PIEZO2: variants seen among roughly 807,000 people sequenced by gnomAD.
PIEZO2 encodes piezo-type mechanosensitive ion channel component 2.
A neutral mutation model predicts 337.3 loss-of-function variants in PIEZO2; 172 were observed. That is an observed-to-expected ratio of 0.51 (90% CI 0.45 to 0.58). PIEZO2 has a LOEUF of 0.58. PIEZO2 is among the 20% of genes least tolerant of loss of function. The pLI, the probability that PIEZO2 is intolerant of heterozygous loss-of-function variation, is 0.00. For synonymous variants in PIEZO2, 1,251 were observed against 1,228.5 expected (o/e 1.02, Z -0.38); for missense variants, 3,028 against 3,391.3 (o/e 0.89, Z 2.66).
In PIEZO2 at chr18:10,828,888, T is replaced by C. The variant is rs2040758491; in HGVS notation, c.918-21614A>G. ...ATGCTGAGATTAACAACAGAGACAG[T>C]TGAGCTTTGCTGCTGGTTCATGCTG... On this transcript the variant is annotated intron_variant, in intron 7 of 55. Coordinates refer to ENST00000674853, the MANE Select transcript of PIEZO2 (RefSeq NM_001378183.1). The surrounding 1 kb of genome is among the most constrained non-coding windows in gnomAD (Gnocchi z 4.1). Among the ~76,000 whole-genome samples, 1 of 152,174 alleles carries C rather than the reference T, an allele frequency of 6.6e-6. No homozygotes were observed. The highest frequency in any genetic ancestry group is 2.4e-5 in the African/African-American group (1 of 41,444).
At position 10,878,780 on chromosome 18, in the gene PIEZO2, T is replaced by A. The variant is rs777599216; in HGVS notation, c.330-7365A>T. 1.4e-5 allele frequency among the ~76,000 whole-genome samples: 2 copies of A among 142,314 alleles called. No homozygotes were observed. The highest frequency in any genetic ancestry group is 3.0e-5 in the Non-Finnish European group (2 of 67,668). The allele number at this position is 142,314 out of a possible 152,430, so 93.4% of individuals were successfully genotyped here. A position where few individuals can be genotyped will look rare whatever the true frequency, so the allele number is the denominator to read the frequency against. On this transcript the variant is annotated intron_variant, in intron 4 of 55. Coordinates refer to ENST00000674853, the MANE Select transcript of PIEZO2 (RefSeq NM_001378183.1). This position sits in a 1 kb window ranked among gnomAD's most constrained non-coding sequence, Gnocchi z 4.3. ...TCAGACCATACAAAGCTTGGATGTTTTGAAAAAAAAAAAAAATCACATAAC... is the reference window on the plus strand; with the variant it reads ...TCAGACCATACAAAGCTTGGATGTTATGAAAAAAAAAAAAAATCACATAAC...
In PIEZO2 at chr18:11,077,854, A is replaced by C. The variant is rs78239310; in HGVS notation, c.65-11632T>G. ...ACTAGACTGTGTTACAAAGTAGAGC[A>C]TAAGTGTCATTTTTCATTTTCACAA... On this transcript the variant is annotated intron_variant, in intron 1 of 55. Coordinates refer to ENST00000674853, the MANE Select transcript of PIEZO2 (RefSeq NM_001378183.1). The surrounding 1 kb of genome is among the most constrained non-coding windows in gnomAD (Gnocchi z 4.8). 6.6e-6 allele frequency among the ~76,000 whole-genome samples: 1 copy of C among 152,264 alleles called. No homozygotes were observed. The highest frequency in any genetic ancestry group is 2.1e-4 in the South Asian group (1 of 4,830).
rs1307159963 is a variant in PIEZO2, at chr18:11,078,617, C to A, written c.65-12395G>T. Among the ~76,000 whole-genome samples, 1 of 152,200 alleles carries A rather than the reference C, an allele frequency of 6.6e-6. No homozygotes were observed. The highest frequency in any genetic ancestry group is 1.5e-5 in the Non-Finnish European group (1 of 68,038). Reference sequence around the variant, plus strand: ...TTCTGTTGCTAGAGAAGTAGACACACCTTTTATGGCATGAATTCAGCCTTG... The same window carrying A: ...TTCTGTTGCTAGAGAAGTAGACACAACTTTTATGGCATGAATTCAGCCTTG... On this transcript the variant is annotated intron_variant, in intron 1 of 55. Transcript: ENST00000674853. This position sits in a 1 kb window ranked among gnomAD's most constrained non-coding sequence, Gnocchi z 5.3.
At chr18:10,756,761 CATT>C (rs1568022396) in intron 27 of PIEZO2, among the ~76,000 whole-genome samples, 1 of 119,200 alleles carries the variant, frequency 8.4e-6, no homozygotes, top group Non-Finnish European at 1.7e-5. Flanking sequence ...AAGGATGAAA[CATT>C]AGGAGGAGAG....
At chr18:10,831,723 T>C (rs1303576288) in intron 7 of PIEZO2, among the ~76,000 whole-genome samples, 2 of 152,230 alleles carry the variant, frequency 1.3e-5, no homozygotes, top group Non-Finnish European at 2.9e-5. Flanking sequence ...GTGATTATTA[T>C]GCATTGCACT....
chr18:10,695,675 A>G (rs1236227196), intron 47 of PIEZO2, among the ~76,000 whole-genome samples: 2 of 151,824 alleles, frequency 1.3e-5, no homozygotes, highest in Non-Finnish European at 2.9e-5. Context: ...TTGTTCATCT[A>G]TTTCTCTCAT....
At chr18:10,883,987 A>G (rs1309178767) in intron 4 of PIEZO2, among the ~76,000 whole-genome samples, 1 of 151,498 alleles carries the variant, frequency 6.6e-6, no homozygotes, top group Non-Finnish European at 1.5e-5. Context: ...ATTTTTTTGT[A>G]TTTTTAGTAG....
At chr18:10,934,789 C>A (rs2032292088) in intron 3 of PIEZO2, among the ~76,000 whole-genome samples, 1 of 152,066 alleles carries the variant, frequency 6.6e-6, no homozygotes, top group Admixed American at 6.5e-5. Flanking sequence ...CCTGACCCAG[C>A]AGGATAATTT....
intron 1 of PIEZO2, among the ~76,000 whole-genome samples, chr18:11,123,535 A>G (rs2040089514): frequency 6.6e-6 from 1 of 152,112 alleles, no homozygotes; most frequent in Admixed American, 6.6e-5. Context: ...TGGGACGGGC[A>G]CGGTGGCTCA....
At chr18:10,752,569 A>G (rs1339526894) in intron 28 of PIEZO2, 67 bp downstream of exon 28, 5 of 1,478,002 alleles carry the variant, frequency 3.4e-6, no homozygotes, top group Non-Finnish European at 4.5e-6. Context: ...GCTTTTAATA[A>G]CCACTGAGTG....
intron 7 of PIEZO2, among the ~76,000 whole-genome samples, chr18:10,814,932 G>A (rs993041167): frequency 3.3e-5 from 5 of 152,060 alleles, no homozygotes; most frequent in Non-Finnish European, 5.9e-5. Context: ...TCAACCTTAC[G>A]GATTAATTAT....
At chr18:11,137,043 A>G (rs1340682241) in intron 1 of PIEZO2, among the ~76,000 whole-genome samples, 3 of 152,210 alleles carry the variant, frequency 2.0e-5, no homozygotes, top group African/African-American at 7.2e-5. Flanking sequence ...CAGAAAGCCA[A>G]TTCGAATCTA....
At position 11,110,216 on chromosome 18, in the gene PIEZO2, C is replaced by T. The variant is rs1433747913; in HGVS notation, c.64+38309G>A. On this transcript the variant is annotated intron_variant, in intron 1 of 55. Coordinates refer to ENST00000674853, the MANE Select transcript of PIEZO2 (RefSeq NM_001378183.1). The surrounding 1 kb of genome is among the most constrained non-coding windows in gnomAD (Gnocchi z 4.2). ...CATAGCTCACTGCATCCTGGAATTC[C>T]TGGCCATCCTTCCACCTCAGCGTCC... Among the ~76,000 whole-genome samples, 6 of 152,210 alleles carry T rather than the reference C, an allele frequency of 3.9e-5. No individual in the cohort carries two copies. The highest frequency in any genetic ancestry group is 7.3e-5 in the Non-Finnish European group (5 of 68,034).
chr18:10,849,200 C>CGG (rs1306084077), intron 7 of PIEZO2, among the ~76,000 whole-genome samples: 1 of 152,060 alleles, frequency 6.6e-6, no homozygotes, highest in Non-Finnish European at 1.5e-5. Context: ...TCAGTGGAGA[C>CGG]GGGGTTTTGC....
intron 3 of PIEZO2, among the ~76,000 whole-genome samples, chr18:10,977,811 A>G (rs2034502793): frequency 6.6e-6 from 1 of 152,264 alleles, no homozygotes; most frequent in Non-Finnish European, 1.5e-5. Context: ...TAAGGAAGTC[A>G]TATACAAAAG....
At chr18:10,838,857 G>A (rs893893162) in intron 7 of PIEZO2, among the ~76,000 whole-genome samples, 4 of 152,148 alleles carry the variant, frequency 2.6e-5, no homozygotes, top group African/African-American at 7.2e-5. Context: ...ACAGCAAGAC[G>A]TAGCTCAACA....
chr18:10,671,906 T>C lies in PIEZO2; in HGVS notation c.8346-127A>G, dbSNP rs2033796936. 4.5e-6 allele frequency: 4 copies of C among 882,928 alleles called. No individual in the cohort carries two copies. The East Asian group carries it at 1.2e-4, about 26-fold the overall frequency. 54.7% of individuals were successfully genotyped at this position (882,928 alleles called of 1,614,324 possible). A position where few individuals can be genotyped will look rare whatever the true frequency, so the allele number is the denominator to read the frequency against. Reference sequence around the variant, plus strand: ...TAGAAGAAATAAGCAAATCAAATCTTACATTTTTTCCCTTTGGTTAAAAAG... The same window carrying C: ...TAGAAGAAATAAGCAAATCAAATCTCACATTTTTTCCCTTTGGTTAAAAAG... On this transcript the variant is annotated intron_variant, in intron 55 of 55. Coordinates refer to ENST00000674853, the MANE Select transcript of PIEZO2 (RefSeq NM_001378183.1).
intron 7 of PIEZO2, among the ~76,000 whole-genome samples, chr18:10,835,630 G>C (rs529249091): frequency 6.6e-6 from 1 of 150,744 alleles, no homozygotes; most frequent in Non-Finnish European, 1.5e-5. Flanking sequence ...TGCTGCCTCT[G>C]TCTCCTGTGT....
In PIEZO2 at chr18:10,717,947, G is replaced by C. The variant is rs779803062; in HGVS notation, c.5089+253C>G. ...TGCTCCCTAAAAGCCTCTTTCATAG[G>C]TGCTTGCATAAAGGAATTTACAAAC... On this transcript the variant is annotated intron_variant, in intron 37 of 55. Transcript: ENST00000674853. 4.6e-5 allele frequency among the ~76,000 whole-genome samples: 7 copies of C among 152,074 alleles called. No homozygotes were observed. The South Asian group carries it at 8.3e-4, about 18-fold the overall frequency.
Sources: allele counts gnomAD v4.1 joint callset (sites outside exome capture counted in the v4.1 genomes callset), GRCh38; gene constraint gnomAD v4.1.1; non-coding constraint Gnocchi (gnomAD v3.1); transcripts MANE v1.5; gene names NCBI Gene and HGNC (gene_info 2026-07-23, HGNC 2026-07-21).